Variants in NMNAT2 observed in about 807,000 individuals in gnomAD.
NMNAT2 encodes the protein nicotinamide/nicotinic acid mononucleotide adenylyltransferase 2.
Under a neutral mutation model 41.6 loss-of-function variants are expected in NMNAT2, and 11 were observed. The ratio of observed to expected loss-of-function variants is 0.26; its 90% confidence interval spans 0.17 to 0.44. The LOEUF (loss-of-function observed/expected upper bound fraction) is 0.44, where lower values mean the gene tolerates loss of function less well. NMNAT2 is among the 20% of genes least tolerant of loss of function. NMNAT2 has a pLI of 1.00. For synonymous variants in NMNAT2, 148 were observed against 151.2 expected, an observed-to-expected ratio of 0.98 and a Z score of 0.16; for missense variants, 288 against 407.7, an observed-to-expected ratio of 0.71 and a Z score of 2.53.
intron 1 of NMNAT2, among the ~76,000 whole-genome samples, chr1:183,336,185 C>G (rs550199275): frequency 5.9e-5 from 9 of 152,296 alleles, no homozygotes; most frequent in African/African-American, 2.2e-4. Context: ...ACAATCAAAT[C>G]TAAGCCTAAT....
chr1:183,410,637 A>G (rs1028606599), intron 1 of NMNAT2, among the ~76,000 whole-genome samples: 1 of 151,754 alleles, frequency 6.6e-6, no homozygotes, highest in Admixed American at 6.6e-5. Context: ...CCCTGTGCTC[A>G]CCTGCACTCT....
intron 1 of NMNAT2, among the ~76,000 whole-genome samples, chr1:183,376,758 G>A (rs1399894081): frequency 1.3e-5 from 2 of 152,144 alleles, no homozygotes. Context: ...ATGAAGACAA[G>A]CCTGTTTTCC....
At position 183,327,832 on chromosome 1, in the gene NMNAT2, C is replaced by T. The variant is rs571320796; in HGVS notation, c.86-34039G>A. 3.9e-4 allele frequency among the ~76,000 whole-genome samples: 59 copies of T among 152,186 alleles called. 2 individuals are homozygous for T. The East Asian group carries it at 0.011, about 27-fold the overall frequency. On this transcript the variant is annotated intron_variant, in intron 1 of 10. Transcript: ENST00000287713. The stretch of plus-strand genomic sequence containing the variant: ...TTGTGTGTGTATGTGTGTTTTTCCC[C>T]TTTTGCCCTGGGAAGCTACTGCTTT...
chr1:183,284,911 G>T (rs933582482), intron 5 of NMNAT2, 121 bp from the exon 6 acceptor site: 3 of 760,888 alleles, frequency 3.9e-6, no homozygotes, highest in Middle Eastern at 3.1e-4. Context: ...GGGCAGGAGT[G>T]GGGAGCAGGA....
At chr1:183,253,293 TTAA>T (rs1660439590) in intron 10 of NMNAT2, among the ~76,000 whole-genome samples, 1 of 148,000 alleles carries the variant, frequency 6.8e-6, no homozygotes, top group African/African-American at 2.5e-5. Context: ...TATAATAGTG[TTAA>T]TATTATATTA....
chr1:183,286,918 G>T, intron 4 of NMNAT2, 130 bp from the exon 5 acceptor site: 1 of 860,706 alleles, frequency 1.2e-6, no homozygotes, highest in Non-Finnish European at 1.7e-6. Context: ...CTGGGGATGG[G>T]TTCTAGACCC....
intron 1 of NMNAT2, among the ~76,000 whole-genome samples, chr1:183,295,159 A>G (rs1280151574): frequency 1.3e-5 from 2 of 151,978 alleles, no homozygotes; most frequent in Non-Finnish European, 2.9e-5. Context: ...ATGAGCCACC[A>G]TGGTTGGCTA....
At chr1:183,358,195 A>T (rs533702769) in intron 1 of NMNAT2, among the ~76,000 whole-genome samples, 1 of 152,310 alleles carries the variant, frequency 6.6e-6, no homozygotes, top group African/African-American at 2.4e-5. Flanking sequence ...ACCTGTTCTC[A>T]GTTGTAAGTG....
intron 8 of NMNAT2, among the ~76,000 whole-genome samples, chr1:183,274,624 C>A (rs1661077288): frequency 6.6e-6 from 1 of 151,594 alleles, no homozygotes. Context: ...GAAGTCAATG[C>A]CTTTAAACTC....
In NMNAT2 at chr1:183,284,790, G is replaced by A. The variant is rs754453347; in HGVS notation, c.449C>T (p.Ala150Val). ...NSNVATKPTA[A>V]KILGKVGESL... The stretch of plus-strand genomic sequence containing the variant: ...TTCTCCCACCTTCCCCAAGATCTTG[G>A]CTATGGGAGAGAGCAAGACAGACAG... Residue 150 changes from alanine (A) to valine (V), a missense_variant and splice_region_variant, in exon 6 of 11, where the codon GCC becomes GTC. Physicochemically the swap from Ala to Val is moderately conservative, Grantham distance 64 (BLOSUM62 0). Coordinates refer to ENST00000287713, the MANE Select transcript of NMNAT2 (RefSeq NM_015039.4). The A allele has an allele frequency of 6.2e-7, 1 of 1,613,772 alleles. No individual in the cohort carries two copies. Among genetic ancestry groups the A allele is most frequent in the Non-Finnish European group, 8.5e-7 (1 of 1,179,664 alleles).
intron 1 of NMNAT2, among the ~76,000 whole-genome samples, chr1:183,312,908 C>T (rs2102325269): frequency 6.6e-6 from 1 of 152,264 alleles, no homozygotes; most frequent in East Asian, 1.9e-4. Context: ...AACAACATTG[C>T]TTCATTATTA....
chr1:183,287,938 A>T (rs1016571918), intron 4 of NMNAT2, among the ~76,000 whole-genome samples: 1 of 151,396 alleles, frequency 6.6e-6, no homozygotes, highest in African/African-American at 2.4e-5. Flanking sequence ...CCTTTGTAAG[A>T]CTCCTGATAG....
intron 4 of NMNAT2, 143 bp from the exon 5 acceptor site, chr1:183,286,931 C>T (rs575476735): frequency 4.1e-6 from 3 of 725,450 alleles, no homozygotes; most frequent in East Asian, 3.0e-5. Flanking sequence ...CTAGACCCAG[C>T]TGCATCATGT....
intron 1 of NMNAT2, among the ~76,000 whole-genome samples, chr1:183,294,661 G>A (rs1432203374): frequency 6.6e-6 from 1 of 152,134 alleles, no homozygotes; most frequent in Admixed American, 6.5e-5. Flanking sequence ...GCGGTGGCAG[G>A]CGCCTGTAAT....
intron 1 of NMNAT2, among the ~76,000 whole-genome samples, chr1:183,338,247 T>G (rs1461731353): frequency 2.6e-5 from 4 of 151,972 alleles, no homozygotes; most frequent in East Asian, 3.9e-4. Context: ...ATCATAACTC[T>G]GAGTTCTTCA....
chr1:183,338,091 C>T (rs1662713666), intron 1 of NMNAT2, among the ~76,000 whole-genome samples: 2 of 139,432 alleles, frequency 1.4e-5, no homozygotes, highest in Non-Finnish European at 3.0e-5. Flanking sequence ...GTCCTAGCTA[C>T]AGGAGGATCA....
intron 1 of NMNAT2, among the ~76,000 whole-genome samples, chr1:183,298,457 A>G (rs1440285840): frequency 6.6e-6 from 1 of 152,250 alleles, no homozygotes; most frequent in Non-Finnish European, 1.5e-5. Context: ...TCAATGAAAT[A>G]CTTAGGTATA....
chr1:183,290,018 T>C, intron 4 of NMNAT2, 110 bp downstream of exon 4: 1 of 784,630 alleles, frequency 1.3e-6, no homozygotes. Flanking sequence ...TGAAAGCAGG[T>C]CGATAGGCCA....
chr1:183,303,837 T>C (rs1661928362), intron 1 of NMNAT2, among the ~76,000 whole-genome samples: 1 of 152,228 alleles, frequency 6.6e-6, no homozygotes, highest in Non-Finnish European at 1.5e-5. Flanking sequence ...TTGGAACTGT[T>C]AGCTGAGTGG....
Sources: allele counts gnomAD v4.1 joint callset (sites outside exome capture counted in the v4.1 genomes callset), GRCh38; gene constraint gnomAD v4.1.1; transcripts MANE v1.5; gene names NCBI Gene and HGNC (gene_info 2026-07-23, HGNC 2026-07-21).